Variants in SLC9C1 observed in about 807,000 individuals in gnomAD.
SLC9C1 encodes the protein sodium/hydrogen exchanger 10.
Under a neutral mutation model 140.9 loss-of-function variants are expected in SLC9C1, and 97 were observed. That is an observed-to-expected ratio of 0.69 (90% CI 0.58 to 0.82). SLC9C1 has a LOEUF of 0.82. SLC9C1 is among the 40% of genes least tolerant of loss of function. SLC9C1 has a pLI of 0.00. For missense variants in SLC9C1, 1,340 were observed against 1,389.3 expected, an observed-to-expected ratio of 0.96 and a Z score of 0.56; for synonymous variants, 440 against 442.6, an observed-to-expected ratio of 0.99 and a Z score of 0.07.
chr3:112,205,971 G>A (rs1465506021), intron 16 of SLC9C1, among the ~76,000 whole-genome samples: 58 of 107,694 alleles, frequency 5.4e-4, no homozygotes, highest in African/African-American at 1.8e-3. Flanking sequence ...AACACCAAAA[G>A]CAATGGCAAC....
intron 24 of SLC9C1, 49 bp from the exon 25 acceptor site, chr3:112,169,111 G>C: frequency 6.4e-7 from 1 of 1,571,358 alleles, no homozygotes; most frequent in Non-Finnish European, 8.6e-7. Flanking sequence ...ATGAAGTTCA[G>C]TATATATTCA....
At chr3:112,214,835 G>C (rs1403877317) in intron 15 of SLC9C1, among the ~76,000 whole-genome samples, 1 of 152,196 alleles carries the variant, frequency 6.6e-6, no homozygotes, top group Non-Finnish European at 1.5e-5. Flanking sequence ...TAGAAAAAGA[G>C]GGAATCCTCC....
chr3:112,282,246 G>A (rs994415801), intron 2 of SLC9C1, among the ~76,000 whole-genome samples: 2 of 152,134 alleles, frequency 1.3e-5, no homozygotes, highest in Admixed American at 6.5e-5. Context: ...TTACCAGTGC[G>A]ATCCTGAAGA....
At chr3:112,212,249 A>G (rs1458725113) in intron 15 of SLC9C1, among the ~76,000 whole-genome samples, 1 of 152,300 alleles carries the variant, frequency 6.6e-6, no homozygotes, top group Non-Finnish European at 1.5e-5. Context: ...AACCACAAAG[A>G]TGGGGAAAAA....
chr3:112,223,544 A>G (rs184240814), intron 13 of SLC9C1, among the ~76,000 whole-genome samples: 1 of 144,682 alleles, frequency 6.9e-6, no homozygotes, highest in East Asian at 2.1e-4. Context: ...AAAATTAGAT[A>G]CTTTTTGAAG....
At chr3:112,247,288 TATCTAGGGTGG>T (rs1264121816) in intron 10 of SLC9C1, among the ~76,000 whole-genome samples, 2 of 152,152 alleles carry the variant, frequency 1.3e-5, no homozygotes, top group Non-Finnish European at 2.9e-5. Flanking sequence ...ATCTATTTTA[TATCTAGGGTGG>T]AAAGCCCTCT....
intron 23 of SLC9C1, among the ~76,000 whole-genome samples, chr3:112,176,453 C>T (rs972028137): frequency 1.3e-5 from 2 of 152,226 alleles, no homozygotes; most frequent in East Asian, 3.8e-4. Context: ...TTGGCCACCT[C>T]TCTCCAGAAT....
At chr3:112,277,001 C>T (rs1026756670) in intron 5 of SLC9C1, among the ~76,000 whole-genome samples, 27 of 151,864 alleles carry the variant, frequency 1.8e-4, no homozygotes, top group African/African-American at 6.3e-4. Flanking sequence ...AAAGAGTATG[C>T]GTGTGTGTGT....
At chr3:112,171,824 A>G (rs942881581) in intron 23 of SLC9C1, among the ~76,000 whole-genome samples, 1 of 152,186 alleles carries the variant, frequency 6.6e-6, no homozygotes, top group African/African-American at 2.4e-5. Flanking sequence ...TTGCTTCTGC[A>G]TGGATATTCA....
chr3:112,256,098 C>T (rs2079599380), intron 10 of SLC9C1, among the ~76,000 whole-genome samples: 1 of 151,638 alleles, frequency 6.6e-6, no homozygotes, highest in South Asian at 2.1e-4. Context: ...ATAGACCAAC[C>T]AAAAAAAGCC....
At chr3:112,209,639 G>A (rs2078148340) in intron 15 of SLC9C1, among the ~76,000 whole-genome samples, 2 of 151,972 alleles carry the variant, frequency 1.3e-5, no homozygotes, top group African/African-American at 4.8e-5. Flanking sequence ...AAACAAAATA[G>A]CAAAGTTTCA....
intron 26 of SLC9C1, among the ~76,000 whole-genome samples, chr3:112,165,129 C>G (rs1414313387): frequency 3.3e-5 from 5 of 152,200 alleles, no homozygotes; most frequent in African/African-American, 7.2e-5. Context: ...CCCTCAGGTC[C>G]TTTAAGGACT....
intron 1 of SLC9C1, among the ~76,000 whole-genome samples, chr3:112,292,575 G>T (rs1052430797): frequency 2.0e-5 from 3 of 152,106 alleles, no homozygotes; most frequent in African/African-American, 7.2e-5. Flanking sequence ...ACGGAGTCAT[G>T]ATCTGTCGCC....
At chr3:112,210,555 A>G (rs1011076937) in intron 15 of SLC9C1, among the ~76,000 whole-genome samples, 2 of 152,238 alleles carry the variant, frequency 1.3e-5, no homozygotes, top group African/African-American at 4.8e-5. Context: ...AAAATGGGGA[A>G]TGACTGCTTA....
At chr3:112,261,927 G>A (rs563271066) in intron 10 of SLC9C1, among the ~76,000 whole-genome samples, 2 of 152,150 alleles carry the variant, frequency 1.3e-5, no homozygotes, top group East Asian at 1.9e-4. Context: ...TCTGTTGGTG[G>A]AAGTGATTAC....
At position 112,239,875 on chromosome 3, in the gene SLC9C1, T is replaced by A; in HGVS notation, c.1411A>T (p.Ile471Phe). The change falls in exon 12 of 29, where the codon ATT (isoleucine) becomes TTT (phenylalanine). Residue 471 changes from isoleucine to phenylalanine, a missense_variant. Coordinates refer to ENST00000305815, the MANE Select transcript of SLC9C1 (RefSeq NM_183061.3). ...KDLANADWNM[I>F]EKAITLENPY... ...TTTTCAAGTGTAATTGCTTTCTCAATCATGTTCCAATCAGCATTAGCAAGA... is the reference window on the plus strand; with the variant it reads ...TTTTCAAGTGTAATTGCTTTCTCAAACATGTTCCAATCAGCATTAGCAAGA... 6.2e-7 allele frequency: 1 copy of A among 1,613,518 alleles called. No individual in the cohort carries two copies. The highest frequency in any genetic ancestry group is 1.3e-5 in the African/African-American group (1 of 75,034).
intron 7 of SLC9C1, 99 bp downstream of exon 7, chr3:112,269,817 G>T: frequency 1.0e-6 from 1 of 985,630 alleles, no homozygotes; most frequent in Non-Finnish European, 1.4e-6. Flanking sequence ...TAGATCAGTT[G>T]AATGTTTTTA....
At chr3:112,227,630 C>T (rs2078716882) in intron 13 of SLC9C1, among the ~76,000 whole-genome samples, 2 of 152,102 alleles carry the variant, frequency 1.3e-5, no homozygotes, top group Admixed American at 6.6e-5. Context: ...CAAAATCATA[C>T]GGAATGAGGA....
In SLC9C1 at chr3:112,233,730, G is replaced by T. The variant is rs185244713; in HGVS notation, c.1447-2244C>A. On this transcript the variant is annotated intron_variant, in intron 12 of 28. Transcript: ENST00000305815. Reference sequence around the variant, plus strand: ...CCACCTATGAGTGAGAACATGCAGTGTTTGGTTTTTTGTGCTTGTGATAGT... The same window carrying T: ...CCACCTATGAGTGAGAACATGCAGTTTTTGGTTTTTTGTGCTTGTGATAGT... 2.4e-4 allele frequency among the ~76,000 whole-genome samples: 36 copies of T among 150,996 alleles called. No individual in the cohort carries two copies. In the East Asian group the frequency reaches 7.1e-3, roughly 30 times the overall value.
Sources: allele counts gnomAD v4.1 joint callset (sites outside exome capture counted in the v4.1 genomes callset), GRCh38; gene constraint gnomAD v4.1.1; transcripts MANE v1.5; gene names NCBI Gene and HGNC (gene_info 2026-07-23, HGNC 2026-07-21).